Variants in TOP1 observed in about 807,000 individuals in gnomAD.
The protein encoded by TOP1 is DNA topoisomerase 1.
In TOP1, 10 loss-of-function variants were observed where a neutral mutation model predicts 111.1. That is an observed-to-expected ratio of 0.09 (90% CI 0.06 to 0.15). The LOEUF (loss-of-function observed/expected upper bound fraction) is 0.15, where lower values mean the gene tolerates loss of function less well. Ranked by LOEUF, TOP1 falls within the 10% of genes least tolerant of loss-of-function variation. The pLI is 1.00. For missense variants in TOP1, 474 were observed against 926.7 expected, an observed-to-expected ratio of 0.51 and a Z score of 6.34; for synonymous variants, 271 against 302.9, an observed-to-expected ratio of 0.89 and a Z score of 1.10.
chr20:41,055,175 T>C (rs2033455419), intron 2 of TOP1, among the ~76,000 whole-genome samples: 1 of 152,234 alleles, frequency 6.6e-6, no homozygotes, highest in Non-Finnish European at 1.5e-5. Context: ...AAATATTTGT[T>C]ACTAGAAAGC....
In TOP1 at chr20:41,034,365, A is replaced by G. The variant is rs2033158357; in HGVS notation, c.58+4910A>G. On this transcript the variant is annotated intron_variant, in intron 2 of 20. Transcript: ENST00000361337. This position sits in a 1 kb window ranked among gnomAD's most constrained non-coding sequence, Gnocchi z 4.0. ...TCCAGGCCAATAGCTGCAGTAGAAAATCTAAAATAGAGGCCAGGGTTGGAA... is the reference window on the plus strand; with the variant it reads ...TCCAGGCCAATAGCTGCAGTAGAAAGTCTAAAATAGAGGCCAGGGTTGGAA... Among the ~76,000 whole-genome samples, 1 of 152,190 alleles carries G rather than the reference A, an allele frequency of 6.6e-6. No individual in the cohort carries two copies. Among genetic ancestry groups the G allele is most frequent in the African/African-American group, 2.4e-5 (1 of 41,428 alleles).
At chr20:41,040,596 G>A (rs2122594800) in intron 2 of TOP1, among the ~76,000 whole-genome samples, 1 of 152,160 alleles carries the variant, frequency 6.6e-6, no homozygotes, top group Admixed American at 6.5e-5. Flanking sequence ...TCCCTAAGAA[G>A]TGCATTTATT....
chr20:41,033,538 G>A lies in TOP1; in HGVS notation c.58+4083G>A, dbSNP rs562177444. On this transcript the variant is annotated intron_variant, in intron 2 of 20. Coordinates refer to ENST00000361337, the MANE Select transcript of TOP1 (RefSeq NM_003286.4). ...TTTTGCTTGTTTTCAGTGCATGTGT[G>A]GGGTGGGGAGGTGCAAAAAAATGTT... Among the ~76,000 whole-genome samples, 142 of 152,124 alleles carry A rather than the reference G, an allele frequency of 9.3e-4. 1 individual carries two copies. Among genetic ancestry groups the A allele is most frequent in the African/African-American group, 3.1e-3 (128 of 41,508 alleles).
At chr20:41,065,634 A>G (rs2033597837) in intron 3 of TOP1, among the ~76,000 whole-genome samples, 1 of 152,166 alleles carries the variant, frequency 6.6e-6, no homozygotes, top group African/African-American at 2.4e-5. Context: ...TATTCTAAGT[A>G]CTTCATATAA....
Position 41,057,745 on chromosome 20 carries a change from A to G in TOP1, c.59-3649A>G, listed in dbSNP as rs6029532. ...ATTATACACAGAGTAGTTTTTTTTA[A>G]TGTGATGTCCTTTCCATACTCTAGG... On this transcript the variant is annotated intron_variant, in intron 2 of 20. Transcript: ENST00000361337. Among the ~76,000 whole-genome samples the G allele has an allele frequency of 7.8e-3, 1,185 of 152,170 alleles. 11 individuals are homozygous for G. Among genetic ancestry groups the G allele is most frequent in the African/African-American group, 0.027 (1,122 of 41,532 alleles).
Position 41,067,453 on chromosome 20 carries a change from A to C in TOP1, c.155+5963A>C, listed in dbSNP as rs996309334. On this transcript the variant is annotated intron_variant, in intron 3 of 20. Coordinates refer to ENST00000361337, the MANE Select transcript of TOP1 (RefSeq NM_003286.4). The surrounding 1 kb of genome is among the most constrained non-coding windows in gnomAD (Gnocchi z 4.0). ...ATTTTATATACACTGTGATCCTTTT[A>C]AAGTACCTCTGATCTTTTTAAATAG... 1.3e-5 allele frequency among the ~76,000 whole-genome samples: 2 copies of C among 152,262 alleles called. No individual in the cohort carries two copies. The highest frequency in any genetic ancestry group is 4.1e-4 in the South Asian group (2 of 4,826).
At chr20:41,065,032 G>A (rs534076038) in intron 3 of TOP1, among the ~76,000 whole-genome samples, 1 of 152,230 alleles carries the variant, frequency 6.6e-6, no homozygotes, top group Admixed American at 6.5e-5. Context: ...TGCCTCCCAA[G>A]TAGCTGGGAT....
rs758525665 is a variant in TOP1, at chr20:41,098,319, G to A, written c.957G>A (p.Met319Ile). ...FKAQTEARKQ[M>I]SKEEKLKIKE... Reference sequence around the variant, plus strand: ...CCCAGACGGAAGCTCGGAAACAGATGAGCAAGGAAGAGAAACTGGTACTAC... The same window carrying A: ...CCCAGACGGAAGCTCGGAAACAGATAAGCAAGGAAGAGAAACTGGTACTAC... The change falls in exon 11 of 21, where the codon ATG (methionine) becomes ATA (isoleucine). Residue 319 changes from methionine (M) to isoleucine (I), a missense_variant. Physicochemically the swap from Met to Ile is conservative, Grantham distance 10. Transcript: ENST00000361337. The surrounding 1 kb of genome is among the most constrained non-coding windows in gnomAD (Gnocchi z 5.7). The A allele has an allele frequency of 3.1e-6, 5 of 1,613,824 alleles. No homozygotes were observed. The highest frequency in any genetic ancestry group is 4.2e-6 in the Non-Finnish European group (5 of 1,179,888).
At chr20:41,096,501 T>C (rs1016925737) in intron 9 of TOP1, among the ~76,000 whole-genome samples, 1 of 152,200 alleles carries the variant, frequency 6.6e-6, no homozygotes, top group Non-Finnish European at 1.5e-5. Flanking sequence ...TGTCGCAAAC[T>C]CTAGTGTGCA....
At position 41,102,990 on chromosome 20, in the gene TOP1, G is replaced by C. The variant is rs376902803; in HGVS notation, c.1308+1637G>C. Among the ~76,000 whole-genome samples, 2 of 152,162 alleles carry C rather than the reference G, an allele frequency of 1.3e-5. No homozygotes were observed. The highest frequency in any genetic ancestry group is 4.8e-5 in the African/African-American group (2 of 41,444). On this transcript the variant is annotated intron_variant, in intron 13 of 20. Transcript: ENST00000361337. The surrounding 1 kb of genome is among the most constrained non-coding windows in gnomAD (Gnocchi z 4.0). Reference sequence around the variant, plus strand: ...TCAAACAAGAGAGAACTGTGTCGTGGACAAAGGGGAGGGTGGTAAGCAGAG... The same window carrying C: ...TCAAACAAGAGAGAACTGTGTCGTGCACAAAGGGGAGGGTGGTAAGCAGAG...
At chr20:41,091,003 A>G (rs1012421004) in intron 8 of TOP1, among the ~76,000 whole-genome samples, 10 of 152,148 alleles carry the variant, frequency 6.6e-5, no homozygotes, top group African/African-American at 2.2e-4. Flanking sequence ...TATTTTGCCA[A>G]CACTATTGTT....
rs550160004 is a variant in TOP1, at chr20:41,118,908, T to A, written c.1950+612T>A. Among the ~76,000 whole-genome samples the A allele has an allele frequency of 8.5e-5, 13 of 152,320 alleles. No individual in the cohort carries two copies. In the East Asian group the frequency reaches 2.3e-3, roughly 27 times the overall value. ...CCTCTTTCCTCCTCCTAACTCCGCC[T>A]GGTACTGAGCTTTTAAACCATAAGG... On this transcript the variant is annotated intron_variant, in intron 18 of 20. Coordinates refer to ENST00000361337, the MANE Select transcript of TOP1 (RefSeq NM_003286.4). This position sits in a 1 kb window ranked among gnomAD's most constrained non-coding sequence, Gnocchi z 4.6.
At chr20:41,108,059 C>T (rs756792034) in intron 13 of TOP1, among the ~76,000 whole-genome samples, 1 of 152,182 alleles carries the variant, frequency 6.6e-6, no homozygotes, top group Non-Finnish European at 1.5e-5. Flanking sequence ...ACCCAGCAGT[C>T]AATAACAGAT....
In TOP1 at chr20:41,116,346, C is replaced by T; in HGVS notation, c.1776C>T (p.Tyr592=). The stretch of plus-strand genomic sequence containing the variant: ...TGACAGCCAAGGTATTCCGTACATA[C>T]AATGCCTCCATCACGCTACAGCAGC... The part of the protein sequence containing the change: ...EGLTAKVFRT[Y]NASITLQQQL... Residue 592 remains tyrosine (Y), a synonymous_variant, in exon 17 of 21, where the codon TAC becomes TAT. Transcript: ENST00000361337. This position sits in a 1 kb window ranked among gnomAD's most constrained non-coding sequence, Gnocchi z 5.6. 1.2e-6 allele frequency: 2 copies of T among 1,613,892 alleles called. No individual in the cohort carries two copies. Among genetic ancestry groups the T allele is most frequent in the Non-Finnish European group, 1.7e-6 (2 of 1,180,038 alleles).
In TOP1 at chr20:41,121,352, C is replaced by G. The variant is rs1318330639; in HGVS notation, c.1951-344C>G. ...ACTGGCACAGGATCTATTTGATAAA[C>G]AGCTGTCATTTGTAGCCATCCTCCC... On this transcript the variant is annotated intron_variant, in intron 18 of 20. Transcript: ENST00000361337. The surrounding 1 kb of genome is among the most constrained non-coding windows in gnomAD (Gnocchi z 4.2). Among the ~76,000 whole-genome samples the G allele has an allele frequency of 6.6e-6, 1 of 152,180 alleles. No individual in the cohort carries two copies. Among genetic ancestry groups the G allele is most frequent in the Non-Finnish European group, 1.5e-5 (1 of 68,040 alleles).
chr20:41,053,450 C>T (rs193139513), intron 2 of TOP1, among the ~76,000 whole-genome samples: 200 of 152,290 alleles, frequency 1.3e-3, no homozygotes, highest in Middle Eastern at 0.01. Flanking sequence ...AGTATTTTTA[C>T]TCTTAGACTT....
At chr20:41,040,800 T>A (rs1309696917) in intron 2 of TOP1, among the ~76,000 whole-genome samples, 1 of 98,178 alleles carries the variant, frequency 1.0e-5, no homozygotes. Context: ...CGAGGCATCG[T>A]CTCAAAAAAA....
At position 41,101,399 on chromosome 20, in the gene TOP1, C is replaced by CT. The variant is rs747934471; in HGVS notation, c.1308+53dup. 8 of 1,572,790 alleles carry CT rather than the reference C, an allele frequency of 5.1e-6. No homozygotes were observed. Among genetic ancestry groups the CT allele is most frequent in the South Asian group, 4.6e-5 (4 of 87,612 alleles). On this transcript the variant is annotated intron_variant, in intron 13 of 20. Coordinates refer to ENST00000361337, the MANE Select transcript of TOP1 (RefSeq NM_003286.4). This position sits in a 1 kb window ranked among gnomAD's most constrained non-coding sequence, Gnocchi z 4.1. ...TGCACTGGTTCATGGTGCTGATAACCTTTTTTTGTTGAAATGTAACGTTCT... is the reference window on the plus strand; with the variant it reads ...TGCACTGGTTCATGGTGCTGATAACCTTTTTTTTGTTGAAATGTAACGTTCT...
Position 41,083,131 on chromosome 20 carries a change from A to G in TOP1, c.508-1331A>G, listed in dbSNP as rs1277761775. On this transcript the variant is annotated intron_variant, in intron 7 of 20. Transcript: ENST00000361337. This position sits in a 1 kb window ranked among gnomAD's most constrained non-coding sequence, Gnocchi z 7.2. ...AGGTCTCTTAGTGACTGACACCCCA[A>G]TTTGAGGCTTGAAAACATACAATGT... Among the ~76,000 whole-genome samples, 3 of 152,088 alleles carry G rather than the reference A, an allele frequency of 2.0e-5. No individual in the cohort carries two copies. The East Asian group carries it at 5.8e-4, about 29-fold the overall frequency.
Sources: gnomAD v4.1 joint callset for allele counts (sites outside exome capture counted in the v4.1 genomes callset) on GRCh38, gnomAD v4.1.1 for gene constraint, Gnocchi (gnomAD v3.1) non-coding constraint, MANE v1.5 for transcripts, NCBI Gene and HGNC (gene_info 2026-07-23, HGNC 2026-07-21) for gene names.